The following FKTN variants were observed in gnomAD, a reference collection of about 807,000 sequenced individuals.
FKTN encodes ribitol-5-phosphate transferase FKTN.
A neutral mutation model predicts 58.6 loss-of-function variants in FKTN; 47 were observed. The ratio of observed to expected loss-of-function variants is 0.80; its 90% CI spans 0.63 to 1.02. The LOEUF (loss-of-function observed/expected upper bound fraction) is 1.02. Ranked by LOEUF, FKTN falls within the 50% of genes least tolerant of loss-of-function variation. FKTN has a pLI of 0.00. For missense variants in FKTN, 516 were observed against 537.3 expected, an observed-to-expected ratio of 0.96 and a Z score of 0.39; for synonymous variants, 178 against 191.9, an observed-to-expected ratio of 0.93 and a Z score of 0.60.
intron 10 of FKTN, among the ~76,000 whole-genome samples, chr9:105,624,957 C>T (rs1832568768): frequency 6.6e-6 from 1 of 152,104 alleles, no homozygotes; most frequent in African/African-American, 2.4e-5. Context: ...ATGGGAATAA[C>T]ACTGCGTACT....
intron 1 of FKTN, among the ~76,000 whole-genome samples, chr9:105,561,527 G>T (rs927726750): frequency 6.6e-6 from 1 of 151,996 alleles, no homozygotes; most frequent in Non-Finnish European, 1.5e-5. Context: ...CTTCCTTCCT[G>T]CTAACCTGTC....
At chr9:105,577,862 T>G (rs963906197) in intron 3 of FKTN, among the ~76,000 whole-genome samples, 1 of 150,152 alleles carries the variant, frequency 6.7e-6, no homozygotes, top group Non-Finnish European at 1.5e-5. Context: ...TGGTTTGTAG[T>G]TCTCCTTGAA....
At chr9:105,610,036 A>G (rs541130001) in intron 7 of FKTN, among the ~76,000 whole-genome samples, 1 of 151,106 alleles carries the variant, frequency 6.6e-6, no homozygotes, top group Non-Finnish European at 1.5e-5. Context: ...TATTTTCATT[A>G]TTTATTTTGA....
chr9:105,559,184 T>C (rs1837787269), intron 1 of FKTN, among the ~76,000 whole-genome samples: 1 of 152,224 alleles, frequency 6.6e-6, no homozygotes, highest in African/African-American at 2.4e-5. Context: ...GGGAATAAAG[T>C]GATTTAGATC....
chr9:105,562,050 T>C (rs972652760), intron 1 of FKTN, among the ~76,000 whole-genome samples: 1 of 152,210 alleles, frequency 6.6e-6, no homozygotes, highest in Non-Finnish European at 1.5e-5. Flanking sequence ...CTCTTTCCTC[T>C]GTAGTTCAGC....
At chr9:105,575,641 A>G (rs893503317) in intron 3 of FKTN, among the ~76,000 whole-genome samples, 20 of 152,318 alleles carry the variant, frequency 1.3e-4, no homozygotes, top group African/African-American at 4.8e-4. Context: ...TACATTGTGA[A>G]AAGTTGCCAA....
chr9:105,575,174 C>A (rs1337654621), intron 3 of FKTN, 37 bp downstream of exon 3: 6 of 1,098,318 alleles, frequency 5.5e-6, no homozygotes, highest in South Asian at 3.7e-5. Context: ...TTCCTCCTTT[C>A]TTATCATTGT....
In FKTN at chr9:105,639,367, T is replaced by A; in HGVS notation, c.*4103T>A. ...CTTTTGAGTTAGGCCTGAATTTGAATTTCAGCTTAATCATGTGGGATTTAT... is the reference window on the plus strand; with the variant it reads ...CTTTTGAGTTAGGCCTGAATTTGAAATTCAGCTTAATCATGTGGGATTTAT... On this transcript the variant is annotated 3_prime_UTR_variant, in exon 11 of 11. Coordinates refer to ENST00000357998, the MANE Select transcript of FKTN (RefSeq NM_001079802.2). The A allele has an allele frequency of 1.0e-5, 8 of 789,890 alleles. No individual in the cohort carries two copies. The highest frequency in any genetic ancestry group is 1.9e-5 in the African/African-American group (1 of 53,470). 48.9% of individuals were successfully genotyped at this position (789,890 alleles called of 1,614,324 possible).
chr9:105,638,004 A>T lies in FKTN; in HGVS notation c.*2740A>T, dbSNP rs1776146517. ...GAATGTTTGCCAGTATCCCCACAAA[A>T]CAAGTTAAAACTTAAGTGAAAATCA... On this transcript the variant is annotated 3_prime_UTR_variant, in exon 11 of 11. Coordinates refer to ENST00000357998, the MANE Select transcript of FKTN (RefSeq NM_001079802.2). 1 of 985,086 alleles carries T rather than the reference A, an allele frequency of 1.0e-6. No homozygotes were observed. The highest frequency in any genetic ancestry group is 4.7e-5 in the South Asian group (1 of 21,288). The allele number at this position is 985,086 out of a possible 1,614,324, so 61.0% of individuals were successfully genotyped here. A position where few individuals can be genotyped will look rare whatever the true frequency, so the allele number is the denominator to read the frequency against.
chr9:105,635,475 G>A lies in FKTN; in HGVS notation c.*211G>A. 7.0e-7 allele frequency: 1 copy of A among 1,428,052 alleles called. No homozygotes were observed. The highest frequency in any genetic ancestry group is 2.6e-5 in the East Asian group (1 of 39,080). The allele number at this position is 1,428,052 out of a possible 1,614,324, so 88.5% of individuals were successfully genotyped here. A position where few individuals can be genotyped will look rare whatever the true frequency, so the allele number is the denominator to read the frequency against. On this transcript the variant is annotated 3_prime_UTR_variant, in exon 11 of 11. Coordinates refer to ENST00000357998, the MANE Select transcript of FKTN (RefSeq NM_001079802.2). ...TACAATGCTAGGTTACAGTGGAGAA[G>A]CCTAGATGAATGAGACAAATACCTA...
chr9:105,638,161 G>T lies in FKTN; in HGVS notation c.*2897G>T. The T allele has an allele frequency of 1.0e-6, 1 of 985,320 alleles. No individual in the cohort carries two copies. The highest frequency in any genetic ancestry group is 1.2e-6 in the Non-Finnish European group (1 of 829,894). 61.0% of individuals were successfully genotyped at this position (985,320 alleles called of 1,614,324 possible). ...AAGAACAGCTGAGGCTAAAACCCAAGACTGCCGTGACTCCTAGTCCAATGT... is the reference window on the plus strand; with the variant it reads ...AAGAACAGCTGAGGCTAAAACCCAATACTGCCGTGACTCCTAGTCCAATGT... On this transcript the variant is annotated 3_prime_UTR_variant, in exon 11 of 11. Coordinates refer to ENST00000357998, the MANE Select transcript of FKTN (RefSeq NM_001079802.2).
chr9:105,605,051 C>G (rs1426762773), intron 6 of FKTN, among the ~76,000 whole-genome samples: 1 of 151,828 alleles, frequency 6.6e-6, no homozygotes, highest in Non-Finnish European at 1.5e-5. Context: ...AACTAGGGGT[C>G]TGTGCACATT....
chr9:105,594,630 C>G (rs1229839424), intron 3 of FKTN, among the ~76,000 whole-genome samples: 1 of 152,110 alleles, frequency 6.6e-6, no homozygotes, highest in Non-Finnish European at 1.5e-5. Flanking sequence ...TCTATAGTTT[C>G]AGCTGCTAGG....
intron 1 of FKTN, among the ~76,000 whole-genome samples, chr9:105,562,640 T>G (rs534919663): frequency 6.6e-6 from 1 of 152,206 alleles, no homozygotes; most frequent in East Asian, 1.9e-4. Context: ...CAGTTTAGTT[T>G]TGGAAAAGGT....
chr9:105,607,678 A>T (rs1004838924), intron 6 of FKTN, 141 bp from the exon 7 acceptor site: 5 of 689,926 alleles, frequency 7.2e-6, no homozygotes, highest in East Asian at 2.8e-5. Context: ...TTACATAGGT[A>T]TACATGTGCC....
intron 3 of FKTN, among the ~76,000 whole-genome samples, chr9:105,582,669 T>A (rs1843218048): frequency 6.6e-6 from 1 of 152,222 alleles, no homozygotes; most frequent in South Asian, 2.1e-4. Flanking sequence ...GTTTATCCAA[T>A]GAATGTCTTT....
chr9:105,588,665 C>A (rs1844332257), intron 3 of FKTN, among the ~76,000 whole-genome samples: 1 of 152,224 alleles, frequency 6.6e-6, no homozygotes, highest in African/African-American at 2.4e-5. Context: ...TGTAATCTTT[C>A]TTCTGTACTG....
chr9:105,567,265 C>G (rs960188048), intron 1 of FKTN, among the ~76,000 whole-genome samples: 1 of 152,160 alleles, frequency 6.6e-6, no homozygotes, highest in Non-Finnish European at 1.5e-5. Flanking sequence ...TCTCACCACT[C>G]CTATTCAGCA....
chr9:105,567,344 G>C (rs1352808464), intron 1 of FKTN, among the ~76,000 whole-genome samples: 4 of 152,320 alleles, frequency 2.6e-5, no homozygotes, highest in Admixed American at 2.6e-4. Context: ...GTTAGGAAAA[G>C]AGGAAGTCAA....
Sources: allele counts gnomAD v4.1 joint callset (sites outside exome capture counted in the v4.1 genomes callset), GRCh38; gene constraint gnomAD v4.1.1; transcripts MANE v1.5; gene names NCBI Gene and HGNC (gene_info 2026-07-23, HGNC 2026-07-21).